LAMA2: variants seen among roughly 807,000 people sequenced by gnomAD.
LAMA2 encodes the protein laminin subunit alpha 2, also known as laminin subunit alpha-2.
A neutral mutation model predicts 364.8 loss-of-function variants in LAMA2; 269 were observed. That is an observed-to-expected ratio of 0.74 (90% CI 0.67 to 0.82). The LOEUF (loss-of-function observed/expected upper bound fraction) is 0.82, where lower values mean the gene tolerates loss of function less well. LAMA2 is among the 40% of genes least tolerant of loss of function. The probability of loss-of-function intolerance (pLI) is 0.00; values close to 1 mark genes in which losing one functional copy is unlikely to be tolerated. For missense variants in LAMA2, 3,807 were observed against 3,873.2 expected, an observed-to-expected ratio of 0.98 and a Z score of 0.45; for synonymous variants, 1,379 against 1,370.6, an observed-to-expected ratio of 1.01 and a Z score of -0.14.
At chr6:129,264,026 G>A (rs1029358775) in intron 15 of LAMA2, among the ~76,000 whole-genome samples, 1 of 152,142 alleles carries the variant, frequency 6.6e-6, no homozygotes, top group Non-Finnish European at 1.5e-5. Flanking sequence ...TTACAGGCAT[G>A]GGCCAACGCA....
At chr6:129,235,492 C>T (rs2115140584) in intron 12 of LAMA2, among the ~76,000 whole-genome samples, 1 of 152,268 alleles carries the variant, frequency 6.6e-6, no homozygotes, top group Non-Finnish European at 1.5e-5. Flanking sequence ...TAAATATTTG[C>T]ACCCCTTTGA....
chr6:129,512,273 G>C (rs1786648813), intron 62 of LAMA2, 90 bp from the exon 63 acceptor site: 2 of 1,276,976 alleles, frequency 1.6e-6, no homozygotes, highest in Non-Finnish European at 2.2e-6. Context: ...CATTTGAATT[G>C]AAATATAATA....
At chr6:129,136,579 G>C (rs1188487380) in intron 4 of LAMA2, among the ~76,000 whole-genome samples, 1 of 150,198 alleles carries the variant, frequency 6.7e-6, no homozygotes, top group African/African-American at 2.4e-5. Flanking sequence ...AAAAAAAAAA[G>C]CTGCACAAAC....
chr6:129,092,659 A>G (rs1186694342), intron 3 of LAMA2, among the ~76,000 whole-genome samples: 1 of 152,236 alleles, frequency 6.6e-6, no homozygotes, highest in East Asian at 1.9e-4. Context: ...TTCAGGGACA[A>G]ATAGCAATAT....
intron 4 of LAMA2, among the ~76,000 whole-genome samples, chr6:129,124,158 A>G (rs566042667): frequency 6.6e-6 from 1 of 152,262 alleles, no homozygotes; most frequent in Admixed American, 6.5e-5. Flanking sequence ...TAATAATCGT[A>G]TCTTGGTTAA....
chr6:129,206,125 G>GAAGGA (rs1782655775), intron 12 of LAMA2, among the ~76,000 whole-genome samples: 2 of 122,858 alleles, frequency 1.6e-5, no homozygotes, highest in Non-Finnish European at 3.3e-5. Flanking sequence ...AGGAAGGAAG[G>GAAGGA]AAGGAAGGAA....
At position 129,059,699 on chromosome 6, in the gene LAMA2, A is replaced by G. The variant is rs74936600; in HGVS notation, c.284-85A>G. ...TATTCACATGATGGTTGTTTTAACC[A>G]TTTTTTTTTACTTTAAAGAAAAAGC... On this transcript the variant is annotated intron_variant, in intron 2 of 64. Coordinates refer to ENST00000421865, the MANE Select transcript of LAMA2 (RefSeq NM_000426.4). 0.26 allele frequency: 213,968 copies of G among 824,554 alleles called. 28,503 individuals are homozygous for G. The highest frequency in any genetic ancestry group is 0.39 in the African/African-American group (22,779 of 58,204). The allele number at this position is 824,554 out of a possible 1,614,324, so 51.1% of individuals were successfully genotyped here.
In LAMA2 at chr6:129,510,242, A is replaced by G. The variant is rs111435197; in HGVS notation, c.8858-2121A>G. Among the ~76,000 whole-genome samples, 1,265 of 152,294 alleles carry G rather than the reference A, an allele frequency of 8.3e-3. 11 individuals are homozygous for G. The highest frequency in any genetic ancestry group is 0.014 in the Non-Finnish European group (944 of 68,004). ...AAAGACCCCACCAAAAAACCATTAG[A>G]ACTGATAAATTCAGTAAAGCTGCAG... On this transcript the variant is annotated intron_variant, in intron 62 of 64. Coordinates refer to ENST00000421865, the MANE Select transcript of LAMA2 (RefSeq NM_000426.4).
intron 34 of LAMA2, 39 bp downstream of exon 34, chr6:129,370,029 G>GATT: frequency 6.6e-7 from 1 of 1,521,380 alleles, no homozygotes; most frequent in Non-Finnish European, 9.1e-7. Flanking sequence ...AAAGCAGATA[G>GATT]ATTATGTCAA....
chr6:129,461,165 G>A (rs1783236230), intron 49 of LAMA2, among the ~76,000 whole-genome samples: 1 of 151,960 alleles, frequency 6.6e-6, no homozygotes, highest in South Asian at 2.1e-4. Context: ...TACCTGCAAA[G>A]TTAACATGTC....
At chr6:129,237,294 A>G (rs1785057597) in intron 12 of LAMA2, among the ~76,000 whole-genome samples, 1 of 151,522 alleles carries the variant, frequency 6.6e-6, no homozygotes, top group Admixed American at 6.6e-5. Flanking sequence ...GACATTTTCA[A>G]TATTTTTTAC....
At chr6:129,401,785 A>G (rs1337658842) in intron 38 of LAMA2, among the ~76,000 whole-genome samples, 1 of 152,232 alleles carries the variant, frequency 6.6e-6, no homozygotes, top group African/African-American at 2.4e-5. Flanking sequence ...ATGAAGTGGC[A>G]TTGTTTAAAT....
In LAMA2 at chr6:129,402,393, T is replaced by TCC; in HGVS notation, c.5634_5635dup (p.Gln1879ProfsTer4). ...GCTTAATGATAAAATAGATGACCTC[T>TCC]CCCAAGAAATAAAGGACAGGAAGCT... On this transcript the variant is annotated frameshift_variant, in exon 39 of 65. Coordinates refer to ENST00000421865, the MANE Select transcript of LAMA2 (RefSeq NM_000426.4). LOFTEE classifies it high-confidence loss of function. 6.2e-7 allele frequency: 1 copy of TCC among 1,613,918 alleles called. No homozygotes were observed.
At chr6:129,293,339 A>C (rs941391344) in intron 20 of LAMA2, among the ~76,000 whole-genome samples, 13 of 151,208 alleles carry the variant, frequency 8.6e-5, no homozygotes, top group Admixed American at 6.6e-5. Context: ...ATAAAAATCT[A>C]CTTGAGAGAA....
At chr6:129,016,843 C>A (rs1031449116) in intron 1 of LAMA2, among the ~76,000 whole-genome samples, 1 of 151,330 alleles carries the variant, frequency 6.6e-6, no homozygotes, top group Non-Finnish European at 1.5e-5. Flanking sequence ...TTCAAAGGTA[C>A]ATTTGTTCAT....
chr6:129,328,263 T>A lies in LAMA2; in HGVS notation c.4177-15T>A. The A allele has an allele frequency of 6.2e-7, 1 of 1,613,230 alleles. No individual in the cohort carries two copies. The highest frequency in any genetic ancestry group is 8.5e-7 in the Non-Finnish European group (1 of 1,179,210). On this transcript the variant is annotated splice_polypyrimidine_tract_variant and intron_variant, in intron 28 of 64. Transcript: ENST00000421865. ...TTCTAACTTTGCTGTCCTAATTGGC[T>A]TCCTTTTCTTTCAGGCATGCTTGCC...
intron 12 of LAMA2, among the ~76,000 whole-genome samples, chr6:129,193,607 G>T (rs1202012172): frequency 6.6e-6 from 1 of 152,150 alleles, no homozygotes; most frequent in Non-Finnish European, 1.5e-5. Flanking sequence ...TTATAAACGT[G>T]AATACTTGCT....
At chr6:128,902,873 G>A (rs769815371) in intron 1 of LAMA2, among the ~76,000 whole-genome samples, 9 of 152,052 alleles carry the variant, frequency 5.9e-5, no homozygotes, top group African/African-American at 1.2e-4. Flanking sequence ...GTTCACCAGA[G>A]GGAAACATCC....
intron 1 of LAMA2, among the ~76,000 whole-genome samples, chr6:128,966,283 C>A (rs992571589): frequency 8.6e-5 from 13 of 151,854 alleles, no homozygotes; most frequent in African/African-American, 3.1e-4. Flanking sequence ...AATGTTGTGA[C>A]TGTTTTTGTG....
Sources: allele counts gnomAD v4.1 joint callset (sites outside exome capture counted in the v4.1 genomes callset), GRCh38; gene constraint gnomAD v4.1.1; transcripts MANE v1.5; gene names NCBI Gene and HGNC (gene_info 2026-07-23, HGNC 2026-07-21).